Variants in ANKDD1B observed in about 807,000 individuals in gnomAD.
ANKDD1B encodes ankyrin repeat and death domain-containing protein 1B.
In ANKDD1B, 57 loss-of-function variants were observed where a neutral mutation model predicts 59.7. The ratio of observed to expected loss-of-function variants is 0.95; its 90% CI spans 0.77 to 1.19. The LOEUF (loss-of-function observed/expected upper bound fraction) is 1.19. Ranked by LOEUF, ANKDD1B falls within the 50% of genes most tolerant of loss-of-function variation. The probability of loss-of-function intolerance (pLI) is 0.00; values close to 1 mark genes in which losing one functional copy is unlikely to be tolerated. For missense variants in ANKDD1B, 602 were observed against 641.9 expected (o/e 0.94, Z 0.67); for synonymous variants, 216 against 239.5 (o/e 0.90, Z 0.91).
intron 9 of ANKDD1B, among the ~76,000 whole-genome samples, chr5:75,656,486 C>T (rs1312476012): frequency 6.6e-6 from 1 of 152,192 alleles, no homozygotes; most frequent in African/African-American, 2.4e-5. Flanking sequence ...GCCTTTCCCC[C>T]ACAAGAAGGA....
Position 75,635,814 on chromosome 5 carries a change from AAGCATG to A in ANKDD1B, c.731_736del (p.Lys244_Gly246delinsSer). ...AAACACTGCCTTGCACCTCGCTGCGAAGCATGGTCACAGTCCTGCAGTGCAGGTGCT... is the reference window on the plus strand; with the variant it reads ...AAACACTGCCTTGCACCTCGCTGCGAGTCACAGTCCTGCAGTGCAGGTGCT... On this transcript the variant is annotated inframe_deletion, in exon 7 of 14. Transcript: ENST00000601380. 6.5e-7 allele frequency: 1 copy of A among 1,533,562 alleles called. No individual in the cohort carries two copies. Among genetic ancestry groups the A allele is most frequent in the Non-Finnish European group, 8.7e-7 (1 of 1,145,004 alleles). 95.0% of individuals were successfully genotyped at this position (1,533,562 alleles called of 1,614,324 possible).
At chr5:75,616,709 C>A in intron 1 of ANKDD1B, 95 bp from the exon 2 acceptor site, 1 of 524,662 alleles carries the variant, frequency 1.9e-6, no homozygotes, top group Non-Finnish European at 3.3e-6. Context: ...ATGTGAAAGA[C>A]TCAAAGCTGT....
At chr5:75,648,263 AAATT>A (rs1292857329) in intron 7 of ANKDD1B, among the ~76,000 whole-genome samples, 793 of 12,090 alleles carry the variant, frequency 0.066, 4 homozygotes, top group African/African-American at 0.11. Context: ...TAAAAAAAAA[AAATT>A]AAAAAAAAAA....
chr5:75,636,927 T>C (rs115114236), intron 7 of ANKDD1B, among the ~76,000 whole-genome samples: 2,978 of 151,820 alleles, frequency 0.02, 52 homozygotes, highest in South Asian at 0.033. Context: ...GGTGGGTACA[T>C]TCAGGTGGAG....
chr5:75,625,127 G>A (rs918349593), intron 3 of ANKDD1B, among the ~76,000 whole-genome samples: 3 of 152,042 alleles, frequency 2.0e-5, no homozygotes, highest in Non-Finnish European at 2.9e-5. Flanking sequence ...ATTGCTGGTT[G>A]TATTTTTAAT....
At chr5:75,649,329 G>T (rs1396211709) in intron 7 of ANKDD1B, among the ~76,000 whole-genome samples, 3 of 151,652 alleles carry the variant, frequency 2.0e-5, no homozygotes, top group Non-Finnish European at 2.9e-5. Flanking sequence ...GAATTTGAGG[G>T]AGGTGAAAAA....
chr5:75,621,522 G>A (rs1272403052), intron 3 of ANKDD1B, among the ~76,000 whole-genome samples: 1 of 151,728 alleles, frequency 6.6e-6, no homozygotes, highest in African/African-American at 2.4e-5. Flanking sequence ...TACGTTCCAT[G>A]CATTCTTTCC....
intron 5 of ANKDD1B, 38 bp from the exon 6 acceptor site, chr5:75,634,860 A>T: frequency 7.7e-7 from 1 of 1,300,476 alleles, no homozygotes. Flanking sequence ...GTTCACTAAG[A>T]CTGTAATAAA....
chr5:75,647,186 C>T (rs1333258040), intron 7 of ANKDD1B, among the ~76,000 whole-genome samples: 14 of 107,822 alleles, frequency 1.3e-4, no homozygotes, highest in African/African-American at 7.9e-4. Flanking sequence ...AGGACATAGG[C>T]GTGGGCAAGG....
At chr5:75,658,610 C>A (rs926943193) in intron 9 of ANKDD1B, among the ~76,000 whole-genome samples, 1 of 152,168 alleles carries the variant, frequency 6.6e-6, no homozygotes, top group East Asian at 1.9e-4. Flanking sequence ...AAACTCTAAT[C>A]CCTTCATCTA....
chr5:75,632,478 A>G (rs1774190869), intron 5 of ANKDD1B, among the ~76,000 whole-genome samples: 1 of 152,226 alleles, frequency 6.6e-6, no homozygotes, highest in Non-Finnish European at 1.5e-5. Flanking sequence ...AGCCAAAAAA[A>G]TATCTCATGG....
intron 7 of ANKDD1B, among the ~76,000 whole-genome samples, chr5:75,648,332 C>G (rs1342451499): frequency 1.3e-5 from 2 of 150,400 alleles, no homozygotes; most frequent in African/African-American, 2.4e-5. Context: ...ATGTGGAGAG[C>G]TGTGCCTCTA....
At chr5:75,625,474 T>C (rs1325598311) in intron 3 of ANKDD1B, among the ~76,000 whole-genome samples, 173 bp from the exon 4 acceptor site, 1 of 152,250 alleles carries the variant, frequency 6.6e-6, no homozygotes, top group African/African-American at 2.4e-5. Context: ...GTACCACTTA[T>C]TAAGTATAAC....
intron 3 of ANKDD1B, among the ~76,000 whole-genome samples, chr5:75,622,166 T>G (rs76172367): frequency 2.7e-4 from 41 of 152,328 alleles, no homozygotes; most frequent in African/African-American, 9.9e-4. Flanking sequence ...TCAATATTTA[T>G]TCAGTGGCTG....
intron 10 of ANKDD1B, among the ~76,000 whole-genome samples, chr5:75,660,608 AG>A (rs1370146245): frequency 6.6e-6 from 1 of 152,132 alleles, no homozygotes; most frequent in Non-Finnish European, 1.5e-5. Context: ...AAGCCTCCGG[AG>A]GGTTGTCAGA....
At position 75,650,727 on chromosome 5, in the gene ANKDD1B, A is replaced by G. The variant is rs199576982; in HGVS notation, c.799-2415A>G. Among the ~76,000 whole-genome samples the G allele has an allele frequency of 1.1e-4, 16 of 152,326 alleles. No individual in the cohort carries two copies. The East Asian group carries it at 3.1e-3, about 29-fold the overall frequency. On this transcript the variant is annotated intron_variant, in intron 7 of 13. Coordinates refer to ENST00000601380, the MANE Select transcript of ANKDD1B (RefSeq NM_001276713.2). ...AGATATACAGGTCATTGCTGTTGGCATCTGTTCCATTATCTATTGCTTCCT... is the reference window on the plus strand; with the variant it reads ...AGATATACAGGTCATTGCTGTTGGCGTCTGTTCCATTATCTATTGCTTCCT...
chr5:75,661,753 A>G (rs1224571298), intron 10 of ANKDD1B, among the ~76,000 whole-genome samples: 1 of 152,156 alleles, frequency 6.6e-6, no homozygotes, highest in African/African-American at 2.4e-5. Context: ...TGTTTTCAAA[A>G]CAAGAGCTCA....
intron 9 of ANKDD1B, among the ~76,000 whole-genome samples, chr5:75,658,692 G>A (rs1775038206): frequency 6.6e-6 from 1 of 151,968 alleles, no homozygotes; most frequent in African/African-American, 2.4e-5. Context: ...ATTAAATCAA[G>A]CTCAACTAGA....
intron 7 of ANKDD1B, among the ~76,000 whole-genome samples, chr5:75,643,267 G>C (rs1460055513): frequency 5.3e-5 from 4 of 75,202 alleles, no homozygotes; most frequent in African/African-American, 3.9e-4. Context: ...GACGAGCTGA[G>C]AGAAGAAGGC....
Sources: gnomAD v4.1 joint callset for allele counts (sites outside exome capture counted in the v4.1 genomes callset) on GRCh38, gnomAD v4.1.1 for gene constraint, MANE v1.5 for transcripts, NCBI Gene and HGNC (gene_info 2026-07-23, HGNC 2026-07-21) for gene names.